The following CD109 variants were observed in gnomAD, a reference collection of about 807,000 sequenced individuals.
The protein encoded by CD109 is CD109 antigen.
Under a neutral mutation model 165.8 loss-of-function variants are expected in CD109, and 149 were observed. That is an observed-to-expected ratio of 0.90 (90% CI 0.79 to 1.03). The LOEUF (loss-of-function observed/expected upper bound fraction) is 1.03, where lower values mean the gene tolerates loss of function less well. CD109 is among the 50% of genes least tolerant of loss of function. The pLI, the probability that CD109 is intolerant of heterozygous loss-of-function variation, is 0.00. For synonymous variants in CD109, 585 were observed against 592.1 expected (o/e 0.99, Z 0.18); for missense variants, 1,712 against 1,677.8 (o/e 1.02, Z -0.36).
intron 30 of CD109, 38 bp from the exon 31 acceptor site, chr6:73,818,350 C>A: frequency 6.2e-7 from 1 of 1,610,616 alleles, no homozygotes; most frequent in South Asian, 1.1e-5. Flanking sequence ...ATGGGTTTTT[C>A]CTGAGGAGTT....
At chr6:73,703,055 C>G (rs1259310752) in intron 2 of CD109, among the ~76,000 whole-genome samples, 4 of 152,170 alleles carry the variant, frequency 2.6e-5, no homozygotes, top group Non-Finnish European at 5.9e-5. Context: ...GAAGTAGATA[C>G]TCTTGTCTTC....
intron 4 of CD109, among the ~76,000 whole-genome samples, chr6:73,731,506 G>C (rs1364221975): frequency 6.6e-6 from 1 of 152,226 alleles, no homozygotes; most frequent in Non-Finnish European, 1.5e-5. Context: ...CCCGGGGCGA[G>C]GGGACAGGTG....
At chr6:73,778,027 C>T (rs534190252) in intron 15 of CD109, among the ~76,000 whole-genome samples, 15 of 152,182 alleles carry the variant, frequency 9.9e-5, no homozygotes, top group African/African-American at 3.6e-4. Flanking sequence ...AATATTGATT[C>T]TTCCTATCCA....
the CD109 span, among the ~76,000 whole-genome samples, chr6:73,684,221 C>G: frequency 5.9e-5 from 8 of 136,376 alleles, no homozygotes; most frequent in Non-Finnish European, 1.1e-4. Context: ...GTCGTTCTTT[C>G]TTTTTTTTTT....
At chr6:73,688,298 A>C in the CD109 span, among the ~76,000 whole-genome samples, 1 of 152,152 alleles carries the variant, frequency 6.6e-6, no homozygotes, top group Non-Finnish European at 1.5e-5. Context: ...GAGTTCTTAA[A>C]ACTCTTGTAG....
intron 5 of CD109, among the ~76,000 whole-genome samples, chr6:73,751,518 C>T (rs992231968): frequency 1.3e-5 from 2 of 152,116 alleles, no homozygotes; most frequent in African/African-American, 4.8e-5. Context: ...TTTGGCATAT[C>T]TAGTTGAGGG....
rs760402885 is a variant in CD109 at position 73,762,830 on chromosome 6, A to G, written c.945A>G (p.Leu315=). The G allele has an allele frequency of 1.1e-5, 17 of 1,613,010 alleles. No individual in the cohort carries two copies. The highest frequency in any genetic ancestry group is 2.7e-5 in the African/African-American group (2 of 74,930). ...SSNGLSEYLD[L]SSPGPVEILT... ...ATGGACTTTCTGAATACCTGGATCT[A>G]TCTTCCCCTGGACCAGTAGAAATTT... Residue 315 remains leucine (L), a synonymous_variant, in exon 9 of 33, where the codon CTA becomes CTG. Transcript: ENST00000287097.
chr6:73,803,031 G>A (rs1269032080), intron 23 of CD109, among the ~76,000 whole-genome samples, 189 bp from the exon 24 acceptor site: 2 of 152,068 alleles, frequency 1.3e-5, no homozygotes, highest in Non-Finnish European at 2.9e-5. Flanking sequence ...TATGCATTCT[G>A]CTTGAAAAGT....
intron 23 of CD109, 59 bp downstream of exon 23, chr6:73,792,861 G>A: frequency 7.6e-7 from 1 of 1,314,356 alleles, no homozygotes; most frequent in Non-Finnish European, 1.0e-6. Context: ...TTTCAGGTAG[G>A]GTTCATTCTA....
intron 5 of CD109, among the ~76,000 whole-genome samples, chr6:73,746,682 G>T (rs1772995502): frequency 6.6e-6 from 1 of 151,944 alleles, no homozygotes. Flanking sequence ...TTAGGAGTAT[G>T]AATGTGCTTG....
chr6:73,783,304 CAT>C (rs1248027271), intron 18 of CD109, among the ~76,000 whole-genome samples: 4 of 152,282 alleles, frequency 2.6e-5, no homozygotes, highest in African/African-American at 4.8e-5. Flanking sequence ...TGAGTTAACA[CAT>C]GAGTGAAATC....
At chr6:73,800,809 A>G (rs1374241135) in intron 23 of CD109, among the ~76,000 whole-genome samples, 1 of 152,144 alleles carries the variant, frequency 6.6e-6, no homozygotes, top group African/African-American at 2.4e-5. Flanking sequence ...TTCTTTATAT[A>G]TGTATATACA....
chr6:73,781,009 G>C (rs199503770), intron 16 of CD109, among the ~76,000 whole-genome samples: 1 of 108,158 alleles, frequency 9.2e-6, no homozygotes, highest in Admixed American at 9.9e-5. Flanking sequence ...GTGTATGCGT[G>C]TGTGTGTGTG....
At chr6:73,718,283 A>G (rs1017528378) in intron 2 of CD109, among the ~76,000 whole-genome samples, 3 of 152,062 alleles carry the variant, frequency 2.0e-5, no homozygotes, top group South Asian at 2.1e-4. Context: ...TTCCAGTACT[A>G]TGTTGAGTAA....
At chr6:73,688,654 A>G in the CD109 span, among the ~76,000 whole-genome samples, 1 of 151,748 alleles carries the variant, frequency 6.6e-6, no homozygotes, top group Non-Finnish European at 1.5e-5. Flanking sequence ...GTGCACCCTC[A>G]TCCTCTGGAG....
intron 15 of CD109, among the ~76,000 whole-genome samples, chr6:73,774,543 T>C (rs1403679796): frequency 6.6e-6 from 1 of 152,186 alleles, no homozygotes; most frequent in African/African-American, 2.4e-5. Context: ...TCTGTCTGCA[T>C]GTTTTCTTCA....
intron 22 of CD109, among the ~76,000 whole-genome samples, chr6:73,791,830 G>C (rs905691875): frequency 3.9e-5 from 6 of 151,912 alleles, no homozygotes; most frequent in African/African-American, 1.2e-4. Context: ...ATATGAAACA[G>C]GTTCTTTTCC....
chr6:73,787,447 G>A lies in CD109; in HGVS notation c.2551G>A (p.Val851Ile), dbSNP rs1186969271. ...ASDAVTQMIL[V>I]KAEGIEKSYS... ...TGATGCTGTCACCCAGATGATTTTA[G>A]TAAAGGTAAATATTTGATGTCTGAA... The change falls in exon 21 of 33, where the codon GTA (valine) becomes ATA (isoleucine). Residue 851 changes from valine (V) to isoleucine (I), a missense_variant. Physicochemically the swap from Val to Ile is conservative, Grantham distance 29. Transcript: ENST00000287097. The A allele has an allele frequency of 1.9e-6, 3 of 1,604,558 alleles. No homozygotes were observed. The highest frequency in any genetic ancestry group is 3.4e-5 in the Admixed American group (2 of 59,554).
At chr6:73,736,849 C>G (rs965025012) in intron 5 of CD109, among the ~76,000 whole-genome samples, 5 of 152,082 alleles carry the variant, frequency 3.3e-5, no homozygotes, top group African/African-American at 9.7e-5. Flanking sequence ...AATTTTATGC[C>G]TTAGAATAAT....
Sources: allele counts gnomAD v4.1 joint callset (sites outside exome capture counted in the v4.1 genomes callset), GRCh38; gene constraint gnomAD v4.1.1; transcripts MANE v1.5; gene names NCBI Gene and HGNC (gene_info 2026-07-23, HGNC 2026-07-21).